The following CTNNA3 variants were observed in gnomAD, a reference collection of about 807,000 sequenced individuals.
CTNNA3 encodes the protein catenin alpha 3.
In CTNNA3, 76 loss-of-function variants were observed where a neutral mutation model predicts 95.7. The ratio of observed to expected loss-of-function variants is 0.79; its 90% CI spans 0.66 to 0.96. CTNNA3 has a LOEUF of 0.96. Among genes scored for constraint, CTNNA3 ranks in the 40% least tolerant of loss-of-function variants. The probability of loss-of-function intolerance (pLI) is 0.00; values close to 1 mark genes in which losing one functional copy is unlikely to be tolerated. For synonymous variants in CTNNA3, 431 were observed against 374.4 expected, an observed-to-expected ratio of 1.15 and a Z score of -1.74; for missense variants, 1,191 against 1,089.8, an observed-to-expected ratio of 1.09 and a Z score of -1.31.
chr10:66,379,317 T>C lies in CTNNA3; in HGVS notation c.1567A>G (p.Ile523Val), dbSNP rs868277987. ...HILEDVNKCIIALRDQDADNL... is the reference protein window; with the variant it reads ...HILEDVNKCIVALRDQDADNL... Reference sequence around the variant, plus strand: ...TCAGCATCCTGGTCTCTTAAGGCTATGATACACTTGTTGACATCTTCCAAG... The same window carrying C: ...TCAGCATCCTGGTCTCTTAAGGCTACGATACACTTGTTGACATCTTCCAAG... Residue 523 changes from isoleucine to valine, a missense_variant, in exon 12 of 18, where the codon ATA (isoleucine) becomes GTA (valine). Ile to Val is a conservative substitution (Grantham distance 29). Transcript: ENST00000433211. 1 of 1,614,134 alleles carries C rather than the reference T, an allele frequency of 6.2e-7. No individual in the cohort carries two copies. Among genetic ancestry groups the C allele is most frequent in the African/African-American group, 1.3e-5 (1 of 75,056 alleles).
At chr10:67,411,633 C>G (rs1845370183) in intron 5 of CTNNA3, among the ~76,000 whole-genome samples, 1 of 152,128 alleles carries the variant, frequency 6.6e-6, no homozygotes, top group South Asian at 2.1e-4. Flanking sequence ...GCACAGTTTT[C>G]TGCCTTGAAA....
intron 8 of CTNNA3, among the ~76,000 whole-genome samples, chr10:66,773,914 G>A (rs1201531257): frequency 6.6e-6 from 1 of 152,080 alleles, no homozygotes; most frequent in African/African-American, 2.4e-5. Flanking sequence ...AATTTCAGAT[G>A]AACAACTTTT....
rs537716975 is a variant in CTNNA3 at position 66,754,907 on chromosome 10, A to G, written c.1281+11357T>C. ...TGAAAAACAGCTTAATGGTTTCTCTAACTGTTAAACATAGAGTTATCATAT... is the reference window on the plus strand; with the variant it reads ...TGAAAAACAGCTTAATGGTTTCTCTGACTGTTAAACATAGAGTTATCATAT... On this transcript the variant is annotated intron_variant, in intron 9 of 17. Coordinates refer to ENST00000433211, the MANE Select transcript of CTNNA3 (RefSeq NM_013266.4). Among the ~76,000 whole-genome samples, 8 of 152,292 alleles carry G rather than the reference A, an allele frequency of 5.3e-5. No individual in the cohort carries two copies. In the East Asian group the frequency reaches 1.5e-3, roughly 29 times the overall value.
At chr10:66,434,560 T>G (rs2131761360) in intron 11 of CTNNA3, among the ~76,000 whole-genome samples, 1 of 152,156 alleles carries the variant, frequency 6.6e-6, no homozygotes, top group Admixed American at 6.6e-5. Flanking sequence ...GATGACAGGG[T>G]TTTCTAGATA....
intron 13 of CTNNA3, among the ~76,000 whole-genome samples, chr10:66,273,460 A>G (rs2091325385): frequency 6.6e-6 from 1 of 152,198 alleles, no homozygotes; most frequent in South Asian, 2.1e-4. Flanking sequence ...AGATAAGTGA[A>G]ACCATGAAAA....
chr10:66,204,965 A>C (rs966839064), intron 13 of CTNNA3, among the ~76,000 whole-genome samples: 2 of 152,188 alleles, frequency 1.3e-5, no homozygotes, highest in Admixed American at 6.5e-5. Context: ...TAAGCTAAGA[A>C]TCTATCAATA....
intron 11 of CTNNA3, among the ~76,000 whole-genome samples, chr10:66,420,614 C>T (rs372410685): frequency 3.7e-4 from 56 of 151,822 alleles, no homozygotes; most frequent in African/African-American, 1.3e-3. Flanking sequence ...CCCTGGCTAA[C>T]ACAGTGAAAC....
chr10:66,142,865 T>C (rs1735583712), intron 13 of CTNNA3, among the ~76,000 whole-genome samples: 1 of 151,990 alleles, frequency 6.6e-6, no homozygotes, highest in African/African-American at 2.4e-5. Flanking sequence ...GACAAGCATA[T>C]GGAAAGAAAA....
At chr10:66,447,004 A>C (rs1310862908) in intron 11 of CTNNA3, among the ~76,000 whole-genome samples, 1 of 151,816 alleles carries the variant, frequency 6.6e-6, no homozygotes, top group Non-Finnish European at 1.5e-5. Context: ...AATGTGCAAA[A>C]ATCACAAGCA....
intron 5 of CTNNA3, among the ~76,000 whole-genome samples, chr10:67,396,659 C>T (rs1017830608): frequency 6.6e-6 from 1 of 152,096 alleles, no homozygotes; most frequent in African/African-American, 2.4e-5. Context: ...GTTGTTAAAA[C>T]AATCATAAAA....
At chr10:67,289,322 A>C (rs1389001073) in intron 5 of CTNNA3, among the ~76,000 whole-genome samples, 1 of 152,188 alleles carries the variant, frequency 6.6e-6, no homozygotes, top group African/African-American at 2.4e-5. Context: ...AAATAGCCTA[A>C]GTTTTAAAGT....
rs768118432 is a variant in CTNNA3, at chr10:67,180,379, T to A, written c.985A>T (p.Ile329Phe). 7.4e-6 allele frequency: 12 copies of A among 1,613,902 alleles called. No homozygotes were observed. Among genetic ancestry groups the A allele is most frequent in the Non-Finnish European group, 1.0e-5 (12 of 1,179,902 alleles). ...CTRDLHRERI[I>F]AECNAIRQAL... ...TGGCGAATGGCGTTGCATTCTGCGA[T>A]AATCCGCTCTCGGTGTAAGTCCCTC... Residue 329 changes from isoleucine (I) to phenylalanine (F), a missense_variant, in exon 7 of 18, where the codon ATC becomes TTC. Ile to Phe is a conservative substitution (Grantham distance 21, BLOSUM62 0). Coordinates refer to ENST00000433211, the MANE Select transcript of CTNNA3 (RefSeq NM_013266.4).
At chr10:65,979,675 T>C (rs1471334428) in intron 16 of CTNNA3, among the ~76,000 whole-genome samples, 1 of 152,092 alleles carries the variant, frequency 6.6e-6, no homozygotes, top group Non-Finnish European at 1.5e-5. Flanking sequence ...TTTGTAACTA[T>C]ACATGAAGTG....
At chr10:66,874,511 G>C (rs549592139) in intron 7 of CTNNA3, among the ~76,000 whole-genome samples, 1 of 152,254 alleles carries the variant, frequency 6.6e-6, no homozygotes, top group East Asian at 1.9e-4. Flanking sequence ...CCAGTTGATT[G>C]CCTGTGTACA....
chr10:67,703,101 C>T (rs1451991435), intron 1 of CTNNA3, among the ~76,000 whole-genome samples: 1 of 152,176 alleles, frequency 6.6e-6, no homozygotes, highest in Non-Finnish European at 1.5e-5. Flanking sequence ...TTGAATAGAC[C>T]AATAACAGGC....
At chr10:66,524,686 A>G (rs1456033464) in intron 10 of CTNNA3, among the ~76,000 whole-genome samples, 2 of 152,216 alleles carry the variant, frequency 1.3e-5, no homozygotes, top group Non-Finnish European at 2.9e-5. Context: ...AACTGAGGCT[A>G]CAAGGAAACT....
Position 66,784,766 on chromosome 10 carries a change from CAT to C in CTNNA3, c.1048-9244_1048-9243del, listed in dbSNP as rs567207863. Among the ~76,000 whole-genome samples the C allele has an allele frequency of 2.0e-3, 304 of 152,260 alleles. 1 individual carries two copies. The highest frequency in any genetic ancestry group is 7.0e-3 in the African/African-American group (290 of 41,564). On this transcript the variant is annotated intron_variant, in intron 7 of 17. Coordinates refer to ENST00000433211, the MANE Select transcript of CTNNA3 (RefSeq NM_013266.4). Reference sequence around the variant, plus strand: ...CATAATAAAGGTATAAAGGTCAAAACATGTGGAGATTAGGGAAGGTTTATTGG... The same window carrying C: ...CATAATAAAGGTATAAAGGTCAAAACGTGGAGATTAGGGAAGGTTTATTGG...
chr10:67,289,244 C>T (rs1375394667), intron 5 of CTNNA3, among the ~76,000 whole-genome samples: 1 of 151,994 alleles, frequency 6.6e-6, no homozygotes, highest in East Asian at 1.9e-4. Flanking sequence ...GATTATTAGA[C>T]AGAAAACCAA....
rs148778988 is a variant in CTNNA3, at chr10:66,882,507, T to C, written c.1048-106983A>G. ...GCCAATACACAGTCCAGTGTGCCAA[T>C]GGCACCATGCATTGACGGTTCTTAC... On this transcript the variant is annotated intron_variant, in intron 7 of 17. Coordinates refer to ENST00000433211, the MANE Select transcript of CTNNA3 (RefSeq NM_013266.4). Among the ~76,000 whole-genome samples, 500 of 152,258 alleles carry C rather than the reference T, an allele frequency of 3.3e-3. 3 individuals are homozygous for C. The highest frequency in any genetic ancestry group is 5.7e-3 in the Non-Finnish European group (388 of 67,998).
Sources: gnomAD v4.1 joint callset for allele counts (sites outside exome capture counted in the v4.1 genomes callset) on GRCh38, gnomAD v4.1.1 for gene constraint, MANE v1.5 for transcripts, NCBI Gene and HGNC (gene_info 2026-07-23, HGNC 2026-07-21) for gene names.